CDH13: variants seen among roughly 807,000 people sequenced by gnomAD.
The protein encoded by CDH13 is cadherin 13.
A neutral mutation model predicts 63.8 loss-of-function variants in CDH13; 24 were observed. The ratio of observed to expected loss-of-function variants is 0.38; its 90% CI spans 0.27 to 0.53. The LOEUF (loss-of-function observed/expected upper bound fraction) is 0.53, where lower values mean the gene tolerates loss of function less well. CDH13 is among the 20% of genes least tolerant of loss of function. The pLI is 0.85. For missense variants in CDH13, 1,049 were observed against 903.1 expected (o/e 1.16, Z -2.07); for synonymous variants, 503 against 355.3 (o/e 1.42, Z -4.67).
chr16:83,242,473 A>G (rs569799325), intron 5 of CDH13, among the ~76,000 whole-genome samples: 3 of 152,202 alleles, frequency 2.0e-5, no homozygotes, highest in African/African-American at 7.2e-5. Flanking sequence ...AGCCAATATA[A>G]ACATAGGCCA....
chr16:83,100,726 G>T (rs561125109), intron 3 of CDH13, among the ~76,000 whole-genome samples: 1 of 152,274 alleles, frequency 6.6e-6, no homozygotes, highest in Admixed American at 6.5e-5. Context: ...AGCCAGGTAG[G>T]ATAGACTTGA....
chr16:83,080,871 GTTTTTTTTTT>G (rs71148809), intron 3 of CDH13, among the ~76,000 whole-genome samples: 17 of 46,958 alleles, frequency 3.6e-4, no homozygotes, highest in Admixed American at 1.1e-3. Context: ...TTGTTTTTGT[GTTTTTTTTTT>G]TTTTTTTTTT....
chr16:82,786,184 A>G (rs1379513851), intron 1 of CDH13, among the ~76,000 whole-genome samples: 1 of 152,218 alleles, frequency 6.6e-6, no homozygotes, highest in African/African-American at 2.4e-5. Context: ...TTTACGAGGA[A>G]GTTAAGTTTA....
At chr16:82,670,876 T>C (rs970183424) in intron 1 of CDH13, among the ~76,000 whole-genome samples, 1 of 152,328 alleles carries the variant, frequency 6.6e-6, no homozygotes, top group East Asian at 1.9e-4. Flanking sequence ...ACAAAACATT[T>C]TTCCCATGGC....
intron 5 of CDH13, 142 bp downstream of exon 5, chr16:83,217,639 T>G: frequency 1.2e-6 from 1 of 804,600 alleles, no homozygotes; most frequent in Non-Finnish European, 1.9e-6. Flanking sequence ...GGAGCTGAAG[T>G]GGATGGAATT....
chr16:83,082,672 G>A (rs530563183), intron 3 of CDH13, among the ~76,000 whole-genome samples: 2 of 152,152 alleles, frequency 1.3e-5, no homozygotes, highest in East Asian at 3.9e-4. Context: ...AAAAACACCA[G>A]AAAGATCTCA....
At chr16:83,378,422 A>T (rs2091495149) in intron 6 of CDH13, among the ~76,000 whole-genome samples, 1 of 152,184 alleles carries the variant, frequency 6.6e-6, no homozygotes, top group African/African-American at 2.4e-5. Flanking sequence ...ATCAGCTCTC[A>T]TCGGGACATT....
intron 8 of CDH13, among the ~76,000 whole-genome samples, chr16:83,625,011 C>T (rs570968970): frequency 1.7e-4 from 26 of 152,262 alleles, no homozygotes; most frequent in Non-Finnish European, 3.2e-4. Context: ...GAGTACATAG[C>T]TTGAAATTGG....
chr16:83,788,211 G>A (rs926275626), intron 13 of CDH13, among the ~76,000 whole-genome samples: 4 of 152,096 alleles, frequency 2.6e-5, no homozygotes, highest in Non-Finnish European at 4.4e-5. Context: ...AAGAACAAAG[G>A]CACTGCAGGA....
At chr16:83,308,080 C>T (rs1216938909) in intron 5 of CDH13, among the ~76,000 whole-genome samples, 1 of 152,080 alleles carries the variant, frequency 6.6e-6, no homozygotes, top group East Asian at 1.9e-4. Context: ...CTAAAATATG[C>T]TTTTCTTAAA....
chr16:82,841,399 A>G (rs963906630), intron 1 of CDH13, among the ~76,000 whole-genome samples: 2 of 152,192 alleles, frequency 1.3e-5, no homozygotes, highest in Non-Finnish European at 2.9e-5. Context: ...GAACAGTACT[A>G]TGGCACTATA....
intron 1 of CDH13, among the ~76,000 whole-genome samples, chr16:82,777,145 A>G (rs2035537153): frequency 6.6e-6 from 1 of 152,010 alleles, no homozygotes; most frequent in Admixed American, 6.6e-5. Flanking sequence ...TTGTTTGTTT[A>G]TTTTGTAGCA....
At chr16:82,849,873 CA>C (rs2039411482) in intron 1 of CDH13, among the ~76,000 whole-genome samples, 1 of 152,194 alleles carries the variant, frequency 6.6e-6, no homozygotes. Flanking sequence ...CATCTGTTTA[CA>C]ACATGATTTA....
rs56382330 is a variant in CDH13 at position 83,271,422 on chromosome 16, T to TAAAAAAAAAAAAAAAAAAAAAAAAA, written c.636+53931_636+53955dup. Among the ~76,000 whole-genome samples the TAAAAAAAAAAAAAAAAAAAAAAAAA allele has an allele frequency of 1.5e-4, 4 of 26,032 alleles. 1 individual carries two copies. The highest frequency in any genetic ancestry group is 2.8e-4 in the Non-Finnish European group (4 of 14,146). 17.1% of individuals were successfully genotyped at this position (26,032 alleles called of 152,430 possible). On this transcript the variant is annotated intron_variant, in intron 5 of 13. Transcript: ENST00000567109. ...CTACCGCACATTGAGGCAGAGTTCA[T>TAAAAAAAAAAAAAAAAAAAAAAAAA]AAAAAAAAAAAAAAAAAAAAAAAAA...
intron 3 of CDH13, among the ~76,000 whole-genome samples, chr16:83,033,254 A>G (rs1916540260): frequency 6.6e-6 from 1 of 152,028 alleles, no homozygotes; most frequent in South Asian, 2.1e-4. Flanking sequence ...TGACTTCAGT[A>G]TATCTATGTG....
chr16:83,634,182 C>T (rs894023190), intron 8 of CDH13, among the ~76,000 whole-genome samples: 3 of 150,532 alleles, frequency 2.0e-5, no homozygotes, highest in Admixed American at 6.6e-5. Context: ...TTTGATCACA[C>T]GTACAGATTT....
At chr16:83,132,453 C>T (rs868176352) in intron 4 of CDH13, among the ~76,000 whole-genome samples, 34 of 92,964 alleles carry the variant, frequency 3.7e-4, no homozygotes, top group African/African-American at 5.7e-4. Context: ...ACACCCCCCC[C>T]TTTTTTTTTT....
chr16:83,601,844 C>T (rs1429217836), intron 7 of CDH13, among the ~76,000 whole-genome samples: 1 of 151,944 alleles, frequency 6.6e-6, no homozygotes, highest in African/African-American at 2.4e-5. Flanking sequence ...CCTGTAATCC[C>T]AGCACTTTGG....
chr16:82,664,655 G>C (rs1567603953), intron 1 of CDH13, among the ~76,000 whole-genome samples: 1 of 152,126 alleles, frequency 6.6e-6, no homozygotes, highest in Non-Finnish European at 1.5e-5. Flanking sequence ...GATGTGATTT[G>C]TTTTCTGTTT....
Sources: gnomAD v4.1 joint callset for allele counts (sites outside exome capture counted in the v4.1 genomes callset) on GRCh38, gnomAD v4.1.1 for gene constraint, MANE v1.5 for transcripts, NCBI Gene and HGNC (gene_info 2026-07-23, HGNC 2026-07-21) for gene names.